MAML1: variants seen among roughly 807,000 people sequenced by gnomAD.
MAML1 encodes mastermind-like protein 1.
In MAML1, 14 loss-of-function variants were observed where a neutral mutation model predicts 77.1. The ratio of observed to expected loss-of-function variants is 0.18; its 90% confidence interval spans 0.12 to 0.28. The LOEUF (loss-of-function observed/expected upper bound fraction) is 0.28. Among genes scored for constraint, MAML1 ranks in the 10% least tolerant of loss-of-function variants. The pLI, the probability that MAML1 is intolerant of heterozygous loss-of-function variation, is 1.00. For missense variants in MAML1, 1,217 were observed against 1,327.8 expected (o/e 0.92, Z 1.30); for synonymous variants, 516 against 551.9 (o/e 0.93, Z 0.91).
chr5:179,746,838 A>C (rs1306398883), intron 1 of MAML1, among the ~76,000 whole-genome samples: 1 of 152,242 alleles, frequency 6.6e-6, no homozygotes, highest in Admixed American at 6.5e-5. Context: ...TCTAGTCATT[A>C]GTCTTCACTC....
At position 179,770,910 on chromosome 5, in the gene MAML1, C is replaced by T. The variant is rs548406392; in HGVS notation, c.1972-237C>T. 1.1e-4 allele frequency: 45 copies of T among 418,154 alleles called. 1 individual carries two copies. The Middle Eastern group carries it at 2.0e-3, about 19-fold the overall frequency. 25.9% of individuals were successfully genotyped at this position (418,154 alleles called of 1,614,324 possible). A position where few individuals can be genotyped will look rare whatever the true frequency, so the allele number is the denominator to read the frequency against. On this transcript the variant is annotated intron_variant, in intron 3 of 4. Transcript: ENST00000292599. ...TCATTGTAGCTGTGATTTGCATTTT[C>T]CTAACCAGCTCTCCATTTTTTAAAA...
intron 1 of MAML1, among the ~76,000 whole-genome samples, chr5:179,747,982 A>G (rs1461398456): frequency 6.6e-6 from 1 of 152,162 alleles, no homozygotes; most frequent in East Asian, 1.9e-4. Context: ...GGTAGTTGTC[A>G]TGGGCTCGGG....
In MAML1 at chr5:179,733,295, G is replaced by T; in HGVS notation, c.183G>T (p.Gln61His). Reference protein sequence around the residue: ...LERQHTFALHQRCIQAKAKRA... With the variant: ...LERQHTFALHHRCIQAKAKRA... ...GCCAACACACCTTCGCCCTGCACCA[G>T]CGCTGCATCCAGGCCAAGGCCAAGC... Residue 61 changes from glutamine to histidine, a missense_variant, in exon 1 of 5, where the codon CAG (glutamine) becomes CAT (histidine). Physicochemically the swap from Gln to His is conservative, Grantham distance 24. This residue lies in a region of MAML1 where 312 missense variants were observed against 331.4 expected (regional missense o/e 0.94). Coordinates refer to ENST00000292599, the MANE Select transcript of MAML1 (RefSeq NM_014757.5). 6.9e-7 allele frequency: 1 copy of T among 1,449,764 alleles called. No individual in the cohort carries two copies. Among genetic ancestry groups the T allele is most frequent in the Non-Finnish European group, 9.1e-7 (1 of 1,101,540 alleles). The allele number at this position is 1,449,764 out of a possible 1,614,324, so 89.8% of individuals were successfully genotyped here.
chr5:179,752,325 CAAAAAAAAAA>C (rs1177449054), intron 1 of MAML1, among the ~76,000 whole-genome samples: 32 of 53,622 alleles, frequency 6.0e-4, no homozygotes, highest in Admixed American at 1.3e-3. Context: ...ACTCTGTCTC[CAAAAAAAAAA>C]AAAAAAAAAA....
chr5:179,776,794 C>T lies in MAML1; in HGVS notation c.*1917C>T. On this transcript the variant is annotated 3_prime_UTR_variant, in exon 5 of 5. Coordinates refer to ENST00000292599, the MANE Select transcript of MAML1 (RefSeq NM_014757.5). ...CACAGTGGGGGCTCCTCACTTGCTG[C>T]AGTGTCATAGCAATAAAATGTGATT... 1 of 985,958 alleles carries T rather than the reference C, an allele frequency of 1.0e-6. No individual in the cohort carries two copies. Among genetic ancestry groups the T allele is most frequent in the African/African-American group, 1.7e-5 (1 of 57,370 alleles). 61.1% of individuals were successfully genotyped at this position (985,958 alleles called of 1,614,324 possible). A position where few individuals can be genotyped will look rare whatever the true frequency, so the allele number is the denominator to read the frequency against.
In MAML1 at chr5:179,775,607, C is replaced by T. The variant is rs1756120365; in HGVS notation, c.*730C>T. 6 of 985,426 alleles carry T rather than the reference C, an allele frequency of 6.1e-6. No homozygotes were observed. Among genetic ancestry groups the T allele is most frequent in the Non-Finnish European group, 7.2e-6 (6 of 829,912 alleles). 61.0% of individuals were successfully genotyped at this position (985,426 alleles called of 1,614,324 possible). On this transcript the variant is annotated 3_prime_UTR_variant, in exon 5 of 5. Coordinates refer to ENST00000292599, the MANE Select transcript of MAML1 (RefSeq NM_014757.5). ...CAGCTCCTCCTCCTCCCTCCCAAGG[C>T]CCCCAGGAATCCCTTCCTCCCATGT...
rs1339663211 is a variant in MAML1, at chr5:179,771,020, A to G, written c.1972-127A>G. 3 of 680,452 alleles carry G rather than the reference A, an allele frequency of 4.4e-6. No individual in the cohort carries two copies. Among genetic ancestry groups the G allele is most frequent in the African/African-American group, 3.6e-5 (2 of 56,158 alleles). 42.2% of individuals were successfully genotyped at this position (680,452 alleles called of 1,614,324 possible). A position where few individuals can be genotyped will look rare whatever the true frequency, so the allele number is the denominator to read the frequency against. On this transcript the variant is annotated intron_variant, in intron 3 of 4. Transcript: ENST00000292599. This position sits in a 1 kb window ranked among gnomAD's most constrained non-coding sequence, Gnocchi z 4.7. ...AAAACCCCAAAATGAAATCAGCACT[A>G]TTTCCACAGGAGCCCATTTGTGAGT...
chr5:179,770,585 G>A (rs1166076025), intron 3 of MAML1, among the ~76,000 whole-genome samples: 1 of 152,104 alleles, frequency 6.6e-6, no homozygotes, highest in Non-Finnish European at 1.5e-5. Flanking sequence ...TCATTCGTCT[G>A]TTCATGAACA....
chr5:179,754,492 A>G (rs1303960049), intron 1 of MAML1, among the ~76,000 whole-genome samples: 1 of 151,934 alleles, frequency 6.6e-6, no homozygotes, highest in East Asian at 1.9e-4. Flanking sequence ...TACTGGGGAG[A>G]CTGAAGTGGG....
At chr5:179,733,568 C>T (rs1779112050) in intron 1 of MAML1, 141 bp downstream of exon 1, 2 of 696,784 alleles carry the variant, frequency 2.9e-6, no homozygotes, top group Non-Finnish European at 1.8e-6. Context: ...GGTAACATGG[C>T]AGGGAGCTGA....
At chr5:179,749,293 ATGT>A (rs569527918) in intron 1 of MAML1, among the ~76,000 whole-genome samples, 8 of 152,264 alleles carry the variant, frequency 5.3e-5, no homozygotes, top group South Asian at 2.1e-4. Flanking sequence ...CGCCTGGATA[ATGT>A]TGTGTTTTTA....
intron 1 of MAML1, among the ~76,000 whole-genome samples, chr5:179,735,839 T>C (rs6860716): frequency 0.28 from 42,545 of 151,606 alleles, 6,272 homozygotes; most frequent in Non-Finnish European, 0.34. Context: ...AGGCGCACAC[T>C]ACCACGCTTG....
At chr5:179,744,437 C>T (rs925369577) in intron 1 of MAML1, among the ~76,000 whole-genome samples, 59 of 152,250 alleles carry the variant, frequency 3.9e-4, no homozygotes, top group Non-Finnish European at 7.5e-4. Context: ...CCACCTGCCT[C>T]GGCCTCCTAA....
Position 179,776,019 on chromosome 5 carries a change from G to T in MAML1, c.*1142G>T. The T allele has an allele frequency of 1.0e-6, 1 of 985,834 alleles. No individual in the cohort carries two copies. The highest frequency in any genetic ancestry group is 1.2e-6 in the Non-Finnish European group (1 of 829,940). The allele number at this position is 985,834 out of a possible 1,614,324, so 61.1% of individuals were successfully genotyped here. A position where few individuals can be genotyped will look rare whatever the true frequency, so the allele number is the denominator to read the frequency against. On this transcript the variant is annotated 3_prime_UTR_variant, in exon 5 of 5. Transcript: ENST00000292599. ...ATGACTTGCACTTCTTAAAGAGATT[G>T]CTTTATAACACTAAGACATCCTTTC...
chr5:179,739,874 G>T (rs564618892), intron 1 of MAML1, among the ~76,000 whole-genome samples: 16 of 152,264 alleles, frequency 1.1e-4, no homozygotes, highest in African/African-American at 1.7e-4. Flanking sequence ...CTGGGCAGGG[G>T]TCTTAGAACC....
chr5:179,749,801 G>C (rs915757339), intron 1 of MAML1, among the ~76,000 whole-genome samples: 6 of 152,136 alleles, frequency 3.9e-5, no homozygotes, highest in Admixed American at 1.3e-4. Flanking sequence ...GCAACCCACC[G>C]AGAGGTGAAG....
intron 1 of MAML1, among the ~76,000 whole-genome samples, chr5:179,749,744 C>T (rs1043057864): frequency 1.3e-5 from 2 of 152,036 alleles, no homozygotes; most frequent in African/African-American, 4.8e-5. Flanking sequence ...CCTAGGGTGG[C>T]GGCTCTGCAC....
intron 1 of MAML1, among the ~76,000 whole-genome samples, chr5:179,740,383 G>T (rs1189539303): frequency 2.0e-5 from 3 of 152,030 alleles, no homozygotes; most frequent in Non-Finnish European, 4.4e-5. Flanking sequence ...CCATTTTCCT[G>T]CCTCAGCCTC....
At position 179,766,686 on chromosome 5, in the gene MAML1, T is replaced by C. The variant is rs1277911472; in HGVS notation, c.1676T>C (p.Leu559Pro). The C allele has an allele frequency of 1.3e-6, 2 of 1,592,606 alleles. No individual in the cohort carries two copies. The highest frequency in any genetic ancestry group is 3.6e-5 in the Admixed American group (2 of 56,188). ...HISHEQNSLFLMKPKPGNMPF... is the reference protein window; with the variant it reads ...HISHEQNSLFPMKPKPGNMPF... ...AGTCACGAGCAGAACTCCCTGTTTCTGATGAAGCCAAAGCCAGGAAATATG... is the reference window on the plus strand; with the variant it reads ...AGTCACGAGCAGAACTCCCTGTTTCCGATGAAGCCAAAGCCAGGAAATATG... The change falls in exon 2 of 5, where the codon CTG becomes CCG. Residue 559 changes from leucine to proline, a missense_variant. This residue lies in a region of MAML1 where 884 missense variants were observed against 949.3 expected (regional missense o/e 0.93). Transcript: ENST00000292599. This position sits in a 1 kb window ranked among gnomAD's most constrained non-coding sequence, Gnocchi z 4.0.
Sources: allele counts gnomAD v4.1 joint callset (sites outside exome capture counted in the v4.1 genomes callset), GRCh38; gene constraint gnomAD v4.1.1; regional missense constraint gnomAD v4.1.1; non-coding constraint Gnocchi (gnomAD v3.1); transcripts MANE v1.5; gene names NCBI Gene and HGNC (gene_info 2026-07-23, HGNC 2026-07-21).